Variants in CADM2 observed in about 807,000 individuals in gnomAD.
CADM2 encodes immunoglobulin superfamily member 4D.
CADM2 carries 12 observed loss-of-function variants against 49.8 expected under a neutral mutation model. The observed-to-expected ratio is 0.24, with a 90% CI of 0.15 to 0.39. The LOEUF (loss-of-function observed/expected upper bound fraction) is 0.39, where lower values mean the gene tolerates loss of function less well. CADM2 is among the 10% of genes least tolerant of loss of function. The pLI is 1.00. For missense variants in CADM2, 378 were observed against 492.3 expected, an observed-to-expected ratio of 0.77 and a Z score of 2.20; for synonymous variants, 214 against 175.4, an observed-to-expected ratio of 1.22 and a Z score of -1.74.
At chr3:85,391,279 G>A (rs1299647429) in intron 1 of CADM2, among the ~76,000 whole-genome samples, 5 of 151,828 alleles carry the variant, frequency 3.3e-5, no homozygotes, top group African/African-American at 4.8e-5. Flanking sequence ...ACAGAAAGAC[G>A]GAAAAAAGGA....
chr3:85,370,923 CAA>C (rs2033180614), intron 1 of CADM2, among the ~76,000 whole-genome samples: 1 of 151,732 alleles, frequency 6.6e-6, no homozygotes, highest in African/African-American at 2.4e-5. Flanking sequence ...TTGTTTTTAA[CAA>C]AAGAGTTTAA....
intron 1 of CADM2, among the ~76,000 whole-genome samples, chr3:85,562,161 T>G (rs1319110492): frequency 6.6e-6 from 1 of 151,968 alleles, no homozygotes; most frequent in Non-Finnish European, 1.5e-5. Flanking sequence ...AATCAAAAAG[T>G]TTTGTGAATC....
chr3:85,238,762 G>C (rs1404640482), intron 1 of CADM2, among the ~76,000 whole-genome samples: 1 of 151,822 alleles, frequency 6.6e-6, no homozygotes, highest in African/African-American at 2.4e-5. Flanking sequence ...TAAAATCTTA[G>C]TTATGTAAAA....
intron 8 of CADM2, among the ~76,000 whole-genome samples, chr3:86,047,638 C>G (rs1032636328): frequency 1.3e-5 from 2 of 152,192 alleles, no homozygotes; most frequent in Admixed American, 6.5e-5. Flanking sequence ...AGCTCCTGCT[C>G]TGTCCAAAAT....
At chr3:85,709,305 T>C (rs1003429551) in intron 1 of CADM2, among the ~76,000 whole-genome samples, 2 of 152,200 alleles carry the variant, frequency 1.3e-5, no homozygotes, top group African/African-American at 4.8e-5. Context: ...ACAATTTATC[T>C]TGGCATTTAA....
chr3:85,657,777 C>CACAGATATATATATATAT (rs1559574754), intron 1 of CADM2, among the ~76,000 whole-genome samples: 25 of 111,216 alleles, frequency 2.2e-4, no homozygotes, highest in Non-Finnish European at 2.7e-4. Flanking sequence ...TATATATATA[C>CACAGATATATATATATAT]ATATACATGT....
rs144385698 is a variant in CADM2 at position 85,517,103 on chromosome 3, A to G, written c.62-209419A>G. 3.9e-5 allele frequency among the ~76,000 whole-genome samples: 6 copies of G among 152,048 alleles called. No homozygotes were observed. In the East Asian group the frequency reaches 1.2e-3, roughly 29 times the overall value. On this transcript the variant is annotated intron_variant, in intron 1 of 9. Coordinates refer to ENST00000383699, the MANE Select transcript of CADM2 (RefSeq NM_001167675.2). ...GCTTAAAAGAATAATCTTATAATCT[A>G]TAGAATCACAATCATGGATCTATAA...
intron 3 of CADM2, among the ~76,000 whole-genome samples, chr3:85,831,100 C>G (rs1342456555): frequency 6.6e-6 from 1 of 151,828 alleles, no homozygotes; most frequent in Non-Finnish European, 1.5e-5. Context: ...ATTTGGTTTT[C>G]TGTTCCTGTG....
intron 8 of CADM2, among the ~76,000 whole-genome samples, chr3:86,040,751 G>A (rs1320408669): frequency 2.0e-5 from 3 of 151,998 alleles, no homozygotes; most frequent in Non-Finnish European, 4.4e-5. Flanking sequence ...GATACTCCTC[G>A]AGAAGAGCAA....
At chr3:85,905,111 T>G (rs1011820659) in intron 5 of CADM2, among the ~76,000 whole-genome samples, 3 of 152,134 alleles carry the variant, frequency 2.0e-5, no homozygotes, top group Admixed American at 6.5e-5. Flanking sequence ...GCCAATCTCC[T>G]TTCTTCCCCC....
intron 1 of CADM2, among the ~76,000 whole-genome samples, chr3:85,389,148 G>A (rs2034395218): frequency 1.3e-5 from 2 of 152,132 alleles, no homozygotes; most frequent in South Asian, 2.1e-4. Context: ...TTTCTATGGC[G>A]CCATAGAGTA....
chr3:85,096,813 A>G lies in CADM2; in HGVS notation c.61+137145A>G, dbSNP rs1467870541. 2.6e-5 allele frequency among the ~76,000 whole-genome samples: 4 copies of G among 152,138 alleles called. No individual in the cohort carries two copies. The East Asian group carries it at 7.7e-4, about 29-fold the overall frequency. On this transcript the variant is annotated intron_variant, in intron 1 of 9. Transcript: ENST00000383699. ...GTATACTAATCCATGACTCTACTCC[A>G]TAATTAATGTTTACTTTATATTCAT...
intron 3 of CADM2, among the ~76,000 whole-genome samples, chr3:85,831,986 A>G (rs1433472121): frequency 1.3e-5 from 2 of 151,822 alleles, no homozygotes; most frequent in Non-Finnish European, 2.9e-5. Flanking sequence ...GTCCATCTTC[A>G]GTTGTTTTTG....
intron 1 of CADM2, among the ~76,000 whole-genome samples, chr3:85,397,829 T>C (rs895147745): frequency 6.6e-6 from 1 of 152,104 alleles, no homozygotes; most frequent in Non-Finnish European, 1.5e-5. Context: ...TCACAACAGG[T>C]GAATATGTTT....
chr3:85,934,417 AT>A (rs1418169552), intron 6 of CADM2, among the ~76,000 whole-genome samples: 2 of 151,838 alleles, frequency 1.3e-5, no homozygotes, highest in South Asian at 4.1e-4. Context: ...CTGATATTCA[AT>A]TTTTTTCTTC....
At chr3:86,059,954 T>C (rs1738420002) in intron 8 of CADM2, among the ~76,000 whole-genome samples, 1 of 152,138 alleles carries the variant, frequency 6.6e-6, no homozygotes. Flanking sequence ...AAGTAACTTT[T>C]CTCATATCCA....
At chr3:85,371,650 G>GT (rs2033235583) in intron 1 of CADM2, among the ~76,000 whole-genome samples, 1 of 64,884 alleles carries the variant, frequency 1.5e-5, no homozygotes. Context: ...TGTGCATGGG[G>GT]ATATATATAT....
At chr3:85,065,095 T>C (rs1384046711) in intron 1 of CADM2, among the ~76,000 whole-genome samples, 2 of 152,090 alleles carry the variant, frequency 1.3e-5, no homozygotes, top group Non-Finnish European at 2.9e-5. Context: ...TAGATAATAC[T>C]AATTTTTTTC....
At chr3:85,924,705 C>T (rs1166753885) in intron 6 of CADM2, among the ~76,000 whole-genome samples, 2 of 152,174 alleles carry the variant, frequency 1.3e-5, no homozygotes, top group Non-Finnish European at 2.9e-5. Flanking sequence ...TTAAGGTCTT[C>T]CTTGTGGCCC....
Sources: allele counts gnomAD v4.1 joint callset (sites outside exome capture counted in the v4.1 genomes callset), GRCh38; gene constraint gnomAD v4.1.1; transcripts MANE v1.5; gene names NCBI Gene and HGNC (gene_info 2026-07-23, HGNC 2026-07-21).